IQGAP2: variants seen among roughly 807,000 people sequenced by gnomAD.
IQGAP2 encodes IQ motif containing GTPase activating protein 2.
Under a neutral mutation model 201.3 loss-of-function variants are expected in IQGAP2, and 173 were observed. That is an observed-to-expected ratio of 0.86 (90% CI 0.76 to 0.98). IQGAP2 has a LOEUF of 0.98. IQGAP2 is among the 50% of genes least tolerant of loss of function. IQGAP2 has a pLI of 0.00. For missense variants in IQGAP2, 1,687 were observed against 1,864.8 expected (o/e 0.90, Z 1.76); for synonymous variants, 675 against 673.9 (o/e 1.00, Z -0.03).
intron 2 of IQGAP2, among the ~76,000 whole-genome samples, chr5:76,476,433 C>T (rs566680825): frequency 3.9e-5 from 6 of 152,260 alleles, no homozygotes; most frequent in Non-Finnish European, 8.8e-5. Flanking sequence ...TGGCAAACAA[C>T]CACCCCTGGA....
intron 2 of IQGAP2, among the ~76,000 whole-genome samples, chr5:76,521,552 A>G (rs1758685224): frequency 6.6e-6 from 1 of 152,244 alleles, no homozygotes; most frequent in South Asian, 2.1e-4. Flanking sequence ...AGCGTCTGCC[A>G]TAGATATTTG....
chr5:76,520,744 C>T (rs1488124064), intron 2 of IQGAP2, among the ~76,000 whole-genome samples: 3 of 136,204 alleles, frequency 2.2e-5, no homozygotes, highest in African/African-American at 8.4e-5. Context: ...CACTCTGTCA[C>T]GCAGGCTGGA....
chr5:76,427,428 T>C (rs1228541973), intron 1 of IQGAP2, among the ~76,000 whole-genome samples: 1 of 152,182 alleles, frequency 6.6e-6, no homozygotes, highest in East Asian at 1.9e-4. Context: ...TGAAATAAAG[T>C]GAGCTGAGCT....
At chr5:76,602,001 C>T (rs1326782984) in intron 11 of IQGAP2, among the ~76,000 whole-genome samples, 1 of 152,124 alleles carries the variant, frequency 6.6e-6, no homozygotes, top group Non-Finnish European at 1.5e-5. Flanking sequence ...GTTAATGGCA[C>T]CATTCTCTCC....
At chr5:76,576,225 T>G (rs1745464756) in intron 5 of IQGAP2, among the ~76,000 whole-genome samples, 1 of 152,218 alleles carries the variant, frequency 6.6e-6, no homozygotes, top group Non-Finnish European at 1.5e-5. Context: ...TAAGAATGGT[T>G]TCTTTTGATC....
intron 2 of IQGAP2, among the ~76,000 whole-genome samples, chr5:76,513,938 G>T (rs1165993002): frequency 6.6e-6 from 1 of 151,776 alleles, no homozygotes; most frequent in Non-Finnish European, 1.5e-5. Context: ...TAGGTGAGGG[G>T]CTATACGGAA....
chr5:76,663,253 A>C (rs1258808034), intron 21 of IQGAP2, among the ~76,000 whole-genome samples: 1 of 152,246 alleles, frequency 6.6e-6, no homozygotes, highest in East Asian at 1.9e-4. Flanking sequence ...TAGTGCATGC[A>C]GAGCAAAACA....
chr5:76,487,812 T>C (rs927161549), intron 2 of IQGAP2, among the ~76,000 whole-genome samples: 9 of 152,338 alleles, frequency 5.9e-5, no homozygotes, highest in East Asian at 3.9e-4. Flanking sequence ...AGCCCAAAGC[T>C]GTCCTGAAGC....
At position 76,403,842 on chromosome 5, in the gene IQGAP2, G is replaced by A. The variant is rs1750647548; in HGVS notation, c.46+251G>A. 6.6e-6 allele frequency among the ~76,000 whole-genome samples: 1 copy of A among 152,144 alleles called. No homozygotes were observed. The highest frequency in any genetic ancestry group is 1.5e-5 in the Non-Finnish European group (1 of 68,018). ...TCCACTCCGCATACCCAAACGGGGT[G>A]CGCGGGCAGTGCGGGGATTGCGCTC... On this transcript the variant is annotated intron_variant, in intron 1 of 35. Transcript: ENST00000274364. The surrounding 1 kb of genome is among the most constrained non-coding windows in gnomAD (Gnocchi z 4.8).
At position 76,609,219 on chromosome 5, in the gene IQGAP2, G is replaced by A. The variant is rs995564651; in HGVS notation, c.1358-1801G>A. On this transcript the variant is annotated intron_variant, in intron 12 of 35. Coordinates refer to ENST00000274364, the MANE Select transcript of IQGAP2 (RefSeq NM_006633.5). ...TTCTGTTAAGACCATTTTTGGATGG[G>A]GTGTTTTAAAGGTATTTAGAACAGC... The A allele has an allele frequency of 3.3e-6, 5 of 1,535,882 alleles. No homozygotes were observed. The African/African-American group carries it at 6.8e-5, about 21-fold the overall frequency.
At chr5:76,446,711 G>A (rs545313426) in intron 1 of IQGAP2, among the ~76,000 whole-genome samples, 15 of 152,244 alleles carry the variant, frequency 9.9e-5, no homozygotes, top group African/African-American at 3.6e-4. Flanking sequence ...TTTGGTTTAT[G>A]TACTGCAGTG....
At chr5:76,409,241 CTTTTT>C (rs35574851) in intron 1 of IQGAP2, among the ~76,000 whole-genome samples, 89 of 79,380 alleles carry the variant, frequency 1.1e-3, no homozygotes, top group African/African-American at 4.4e-3. Context: ...AATACATGGG[CTTTTT>C]TTTTTTTTTT....
chr5:76,671,725 G>T, intron 23 of IQGAP2, 34 bp from the exon 24 acceptor site: 1 of 1,407,406 alleles, frequency 7.1e-7, no homozygotes, highest in Non-Finnish European at 9.9e-7. Context: ...ATCCATGGAA[G>T]CAAACCATTT....
intron 15 of IQGAP2, among the ~76,000 whole-genome samples, chr5:76,634,672 T>C (rs1165905169): frequency 1.3e-5 from 2 of 152,200 alleles, no homozygotes; most frequent in Non-Finnish European, 2.9e-5. Context: ...AGCATTGTTT[T>C]CAGGCACGCA....
At chr5:76,539,446 G>A (rs1742611090) in intron 2 of IQGAP2, among the ~76,000 whole-genome samples, 2 of 152,206 alleles carry the variant, frequency 1.3e-5, no homozygotes, top group South Asian at 2.1e-4. Flanking sequence ...TTCTGCTGCA[G>A]TGCCAGCCTG....
At chr5:76,657,055 A>G (rs1742807226) in intron 20 of IQGAP2, among the ~76,000 whole-genome samples, 3 of 152,344 alleles carry the variant, frequency 2.0e-5, no homozygotes, top group Admixed American at 1.3e-4. Context: ...AAATTAAAAT[A>G]CCTGTACCAC....
At chr5:76,512,172 A>T (rs1758009684) in intron 2 of IQGAP2, among the ~76,000 whole-genome samples, 1 of 152,202 alleles carries the variant, frequency 6.6e-6, no homozygotes, top group Non-Finnish European at 1.5e-5. Context: ...ATTTGAAGAC[A>T]GAAACTCTAG....
At chr5:76,560,125 T>C (rs1387018480) in intron 2 of IQGAP2, among the ~76,000 whole-genome samples, 2 of 152,196 alleles carry the variant, frequency 1.3e-5, no homozygotes, top group East Asian at 3.8e-4. Flanking sequence ...AGTTTGTTGA[T>C]GTTTTTGTGA....
intron 17 of IQGAP2, among the ~76,000 whole-genome samples, chr5:76,648,458 A>G (rs1245541157): frequency 6.6e-6 from 1 of 152,208 alleles, no homozygotes; most frequent in Non-Finnish European, 1.5e-5. Context: ...CCTAAGGTTC[A>G]ATCACTTGAC....
Sources: gnomAD v4.1 joint callset for allele counts (sites outside exome capture counted in the v4.1 genomes callset) on GRCh38, gnomAD v4.1.1 for gene constraint, Gnocchi (gnomAD v3.1) non-coding constraint, MANE v1.5 for transcripts, NCBI Gene and HGNC (gene_info 2026-07-23, HGNC 2026-07-21) for gene names.